CREB1: variants seen among roughly 807,000 people sequenced by gnomAD.
The protein encoded by CREB1 is cyclic AMP-responsive element-binding protein 1.
In CREB1, 2 loss-of-function variants were observed where a neutral mutation model predicts 42.0. That is an observed-to-expected ratio of 0.05 (90% CI 0.02 to 0.15). The LOEUF (loss-of-function observed/expected upper bound fraction) is 0.15. Among genes scored for constraint, CREB1 ranks in the 10% least tolerant of loss-of-function variants. CREB1 has a pLI of 1.00. For synonymous variants in CREB1, 123 were observed against 139.9 expected (o/e 0.88, Z 0.85); for missense variants, 199 against 388.9 (o/e 0.51, Z 4.11).
chr2:207,570,351 G>C, intron 5 of CREB1, 30 bp downstream of exon 5: 3 of 1,550,560 alleles, frequency 1.9e-6, no homozygotes, highest in Non-Finnish European at 2.6e-6. Flanking sequence ...TGTTTCTATT[G>C]TGAGGAGAAA....
chr2:207,571,535 T>G, intron 5 of CREB1, among the ~76,000 whole-genome samples: 1 of 152,186 alleles, frequency 6.6e-6, no homozygotes, highest in Non-Finnish European at 1.5e-5. Context: ...ACTAAGGTTT[T>G]TATCCACTGT....
intron 7 of CREB1, among the ~76,000 whole-genome samples, chr2:207,585,132 C>T (rs936881936): frequency 1.3e-5 from 2 of 152,148 alleles, no homozygotes; most frequent in Non-Finnish European, 2.9e-5. Context: ...AGCTCGCTCT[C>T]ACTATCACAT....
chr2:207,581,834 T>C (rs1395221044), intron 7 of CREB1: 1 of 702,624 alleles, frequency 1.4e-6, no homozygotes, highest in Non-Finnish European at 2.6e-6. Context: ...AATTATAGTC[T>C]CCTTCAGTCT....
At position 207,599,949 on chromosome 2, in the gene CREB1, C is replaced by A; in HGVS notation, c.*2891C>A. 2 of 192,998 alleles carry A rather than the reference C, an allele frequency of 1.0e-5. No individual in the cohort carries two copies. Among genetic ancestry groups the A allele is most frequent in the Non-Finnish European group, 2.2e-5 (2 of 92,496 alleles). 12.0% of individuals were successfully genotyped at this position (192,998 alleles called of 1,614,324 possible). A position where few individuals can be genotyped will look rare whatever the true frequency, so the allele number is the denominator to read the frequency against. ...ATTGCTCACTTTGCAAATATAGGGC[C>A]ATGTGGCACTTTTATCTATAGGACA... On this transcript the variant is annotated 3_prime_UTR_variant, in exon 8 of 8. Coordinates refer to ENST00000353267, the MANE Select transcript of CREB1 (RefSeq NM_004379.5).
At chr2:207,548,611 TGTG>T (rs1169994147) in intron 1 of CREB1, among the ~76,000 whole-genome samples, 1 of 151,832 alleles carries the variant, frequency 6.6e-6, no homozygotes, top group Non-Finnish European at 1.5e-5. Context: ...ATTAGCCAGG[TGTG>T]GTGGTGCACA....
chr2:207,600,246 T>TATATATATATATATAC lies in CREB1; in HGVS notation c.*3203_*3204insCATATATATATATATA. On this transcript the variant is annotated 3_prime_UTR_variant, in exon 8 of 8. Transcript: ENST00000353267. ...TGTATAATATATGTGTACATATATA[T>TATATATATATATATAC]ATATATATATATATATACATACAGT... 1 of 161,172 alleles carries TATATATATATATATAC rather than the reference T, an allele frequency of 6.2e-6. No homozygotes were observed. 10.0% of individuals were successfully genotyped at this position (161,172 alleles called of 1,614,324 possible).
chr2:207,535,968 G>A (rs1009062532), intron 1 of CREB1, among the ~76,000 whole-genome samples: 5 of 151,710 alleles, frequency 3.3e-5, no homozygotes, highest in Admixed American at 1.3e-4. Context: ...CAACAGGCGC[G>A]CACCACCAGG....
rs72094349 is a variant in CREB1, at chr2:207,596,839, GAAAA to G, written c.840-68_840-65del. The stretch of plus-strand genomic sequence containing the variant: ...TGCTGTGAGCTATTTCTTTAAAAAA[GAAAA>G]AAAAAAGGTAATCCAAAATAAATAT... On this transcript the variant is annotated intron_variant, in intron 7 of 7. Coordinates refer to ENST00000353267, the MANE Select transcript of CREB1 (RefSeq NM_004379.5). 6 of 1,363,752 alleles carry G rather than the reference GAAAA, an allele frequency of 4.4e-6. No homozygotes were observed. The African/African-American group carries it at 4.6e-5, about 10-fold the overall frequency. 84.5% of individuals were successfully genotyped at this position (1,363,752 alleles called of 1,614,324 possible).
chr2:207,592,397 T>C (rs1226986085), intron 7 of CREB1, among the ~76,000 whole-genome samples: 1 of 152,006 alleles, frequency 6.6e-6, no homozygotes, highest in Non-Finnish European at 1.5e-5. Context: ...AGAGCAAGAC[T>C]CCATCTCAAA....
chr2:207,578,524 A>G (rs1039986597), intron 7 of CREB1, among the ~76,000 whole-genome samples: 4 of 152,154 alleles, frequency 2.6e-5, no homozygotes, highest in Admixed American at 6.5e-5. Context: ...AACCTTCTGT[A>G]CCTCAGTTTT....
At chr2:207,547,670 T>C (rs2081346151) in intron 1 of CREB1, among the ~76,000 whole-genome samples, 1 of 151,868 alleles carries the variant, frequency 6.6e-6, no homozygotes, top group African/African-American at 2.4e-5. Flanking sequence ...ATCTAAAATA[T>C]TGCATAGTCG....
chr2:207,561,729 G>C (rs767388188), intron 3 of CREB1, among the ~76,000 whole-genome samples: 22 of 152,210 alleles, frequency 1.4e-4, no homozygotes, highest in Non-Finnish European at 2.9e-4. Flanking sequence ...GGTGAGCGCT[G>C]TTATGTTTTC....
intron 1 of CREB1, among the ~76,000 whole-genome samples, chr2:207,543,439 G>C (rs539696517): frequency 6.6e-6 from 1 of 152,230 alleles, no homozygotes; most frequent in African/African-American, 2.4e-5. Context: ...GGAGTGAGTA[G>C]TCATTCCTTC....
chr2:207,561,600 TC>T (rs897126112), intron 3 of CREB1, among the ~76,000 whole-genome samples: 1 of 152,148 alleles, frequency 6.6e-6, no homozygotes, highest in Non-Finnish European at 1.5e-5. Flanking sequence ...CTCTTCCCCA[TC>T]CCCCGCACCC....
chr2:207,581,940 G>C (rs1369460969), intron 7 of CREB1: 2 of 702,732 alleles, frequency 2.8e-6, no homozygotes, highest in African/African-American at 1.7e-5. Context: ...CATTTGTCCA[G>C]TGTTTTCTAT....
chr2:207,599,483 T>C lies in CREB1; in HGVS notation c.*2425T>C. ...GGTGGTCCTCTTAGTCCCTGATAAA[T>C]CAAGGCAATCACATTCATGTGAGCT... On this transcript the variant is annotated 3_prime_UTR_variant, in exon 8 of 8. Coordinates refer to ENST00000353267, the MANE Select transcript of CREB1 (RefSeq NM_004379.5). 1 of 196,212 alleles carries C rather than the reference T, an allele frequency of 5.1e-6. No homozygotes were observed. Among genetic ancestry groups the C allele is most frequent in the Non-Finnish European group, 1.1e-5 (1 of 94,648 alleles). The allele number at this position is 196,212 out of a possible 1,614,324, so 12.2% of individuals were successfully genotyped here.
At chr2:207,531,221 C>A (rs958993343) in intron 1 of CREB1, among the ~76,000 whole-genome samples, 43 of 152,090 alleles carry the variant, frequency 2.8e-4, no homozygotes, top group African/African-American at 9.7e-4. Flanking sequence ...CGGGGTGCAA[C>A]CTTGCCAACC....
chr2:207,552,474 T>C (rs891447197), intron 1 of CREB1, among the ~76,000 whole-genome samples: 2 of 152,050 alleles, frequency 1.3e-5, no homozygotes, highest in South Asian at 4.1e-4. Flanking sequence ...AAATGTGGCT[T>C]GGAATAAAGT....
intron 7 of CREB1, among the ~76,000 whole-genome samples, chr2:207,583,465 A>C (rs2083294024): frequency 6.6e-6 from 1 of 152,226 alleles, no homozygotes; most frequent in African/African-American, 2.4e-5. Flanking sequence ...CATTGTGAGA[A>C]ACAGGATTAC....
Sources: gnomAD v4.1 joint callset for allele counts (sites outside exome capture counted in the v4.1 genomes callset) on GRCh38, gnomAD v4.1.1 for gene constraint, MANE v1.5 for transcripts, NCBI Gene and HGNC (gene_info 2026-07-23, HGNC 2026-07-21) for gene names.